The following GEMIN4 variants were observed in gnomAD, a reference collection of about 807,000 sequenced individuals.
GEMIN4 encodes the protein gem nuclear organelle associated protein 4.
In GEMIN4, 59 loss-of-function variants were observed where a neutral mutation model predicts 76.8. The observed-to-expected ratio is 0.77, with a 90% confidence interval of 0.62 to 0.95. The LOEUF (loss-of-function observed/expected upper bound fraction) is 0.95, where lower values mean the gene tolerates loss of function less well. GEMIN4 is among the 40% of genes least tolerant of loss of function. GEMIN4 has a pLI of 0.00. For missense variants in GEMIN4, 1,311 were observed against 1,318.9 expected, an observed-to-expected ratio of 0.99 and a Z score of 0.09; for synonymous variants, 562 against 559.7, an observed-to-expected ratio of 1.00 and a Z score of -0.06.
rs1374475496 is a variant in GEMIN4 at position 752,224 on chromosome 17, T to A, written c.-82A>T. Reference sequence around the variant, plus strand: ...ACGCGGCGCGGGACGCACGGCACGATGGGAGACGCAGGAGCCACGGCGGCC... The same window carrying A: ...ACGCGGCGCGGGACGCACGGCACGAAGGGAGACGCAGGAGCCACGGCGGCC... On this transcript the variant is annotated 5_prime_UTR_variant, in exon 1 of 2. Coordinates refer to ENST00000319004, the MANE Select transcript of GEMIN4 (RefSeq NM_015721.3). 8 of 1,229,070 alleles carry A rather than the reference T, an allele frequency of 6.5e-6. No individual in the cohort carries two copies. Among genetic ancestry groups the A allele is most frequent in the Non-Finnish European group, 8.1e-6 (8 of 985,750 alleles). The allele number at this position is 1,229,070 out of a possible 1,614,324, so 76.1% of individuals were successfully genotyped here.
Position 747,368 on chromosome 17 carries a change from C to T in GEMIN4, c.675G>A (p.Gln225=). 6.2e-7 allele frequency: 1 copy of T among 1,613,798 alleles called. No homozygotes were observed. Among genetic ancestry groups the T allele is most frequent in the Non-Finnish European group, 8.5e-7 (1 of 1,179,888 alleles). Residue 225 remains glutamine (Q), a synonymous_variant, in exon 2 of 2, where the codon CAG becomes CAA. Transcript: ENST00000319004. ...LLAMLLRGLT[Q]IQSRILGPGR... is the part of the protein sequence containing the mutation. ...CCGGGCCCAGGATCCGACTCTGGATCTGTGTCAGCCCGCGGAGCAGCATGG... is the reference window on the plus strand; with the variant it reads ...CCGGGCCCAGGATCCGACTCTGGATTTGTGTCAGCCCGCGGAGCAGCATGG...
At chr17:749,821 A>G (rs1904563154) in intron 1 of GEMIN4, 2 of 996,688 alleles carry the variant, frequency 2.0e-6, no homozygotes, top group South Asian at 8.6e-5. Context: ...TGCCTTGGGA[A>G]CAGGCTTCAA....
In GEMIN4 at chr17:745,677, G is replaced by A; in HGVS notation, c.2366C>T (p.Thr789Ile). 1 of 1,595,798 alleles carries A rather than the reference G, an allele frequency of 6.3e-7. No homozygotes were observed. Among genetic ancestry groups the A allele is most frequent in the African/African-American group, 1.3e-5 (1 of 74,596 alleles). ...TGAAAGCTTACAGATCTCAAAAAGTGTGGCTGGCACTTCACACTTGAAGTG... is the reference window on the plus strand; with the variant it reads ...TGAAAGCTTACAGATCTCAAAAAGTATGGCTGGCACTTCACACTTGAAGTG... ...EGHFKCEVPA[T>I]LFEICKLSED... Residue 789 changes from threonine to isoleucine, a missense_variant, in exon 2 of 2, where the codon ACA becomes ATA. Physicochemically the swap from Thr to Ile is moderately conservative, Grantham distance 89 (BLOSUM62 -1). Coordinates refer to ENST00000319004, the MANE Select transcript of GEMIN4 (RefSeq NM_015721.3). The surrounding 1 kb of genome is among the most constrained non-coding windows in gnomAD (Gnocchi z 4.6).
In GEMIN4 at chr17:747,941, T is replaced by A; in HGVS notation, c.102A>T (p.Leu34Phe). The change falls in exon 2 of 2, where the codon TTA (leucine) becomes TTT (phenylalanine). Residue 34 changes from leucine (L) to phenylalanine (F), a missense_variant. Coordinates refer to ENST00000319004, the MANE Select transcript of GEMIN4 (RefSeq NM_015721.3). ...CAACACGTTCCCAGTCAGACTTTGT[T>A]AATTCTGCCAGTGCCTTAGGGTGGA... The part of the protein sequence containing the change: ...QLFHPKALAE[L>F]TKSDWERVGR... The A allele has an allele frequency of 6.2e-7, 1 of 1,613,690 alleles. No individual in the cohort carries two copies. The highest frequency in any genetic ancestry group is 8.5e-7 in the Non-Finnish European group (1 of 1,179,786).
At position 745,797 on chromosome 17, in the gene GEMIN4, G is replaced by C; in HGVS notation, c.2246C>G (p.Pro749Arg). 4 of 1,612,548 alleles carry C rather than the reference G, an allele frequency of 2.5e-6. No homozygotes were observed. Among genetic ancestry groups the C allele is most frequent in the Middle Eastern group, 1.7e-4 (1 of 6,058 alleles). Reference sequence around the variant, plus strand: ...GGACAGGGACTTGATCCAGACATCCGGGGAGAAGGTCTCAGCATTGGCTGA... The same window carrying C: ...GGACAGGGACTTGATCCAGACATCCCGGGAGAAGGTCTCAGCATTGGCTGA... ...IVSANAETFS[P>R]DVWIKSLSWL... Residue 749 changes from proline (P) to arginine (R), a missense_variant, in exon 2 of 2, where the codon CCG (proline) becomes CGG (arginine). Transcript: ENST00000319004. The surrounding 1 kb of genome is among the most constrained non-coding windows in gnomAD (Gnocchi z 4.6).
At chr17:754,383 T>G (rs1904895805), upstream of GEMIN4, 1 of 152,194 alleles carries the variant, frequency 6.6e-6, no homozygotes, top group African/African-American at 2.4e-5. Flanking sequence ...TGGTACTTCT[T>G]CTTTAATAGA....
Position 745,040 on chromosome 17 carries a change from G to A in GEMIN4, c.3003C>T (p.Leu1001=), listed in dbSNP as rs1185790956. 6.2e-7 allele frequency: 1 copy of A among 1,613,878 alleles called. No individual in the cohort carries two copies. ...TGAGGGTTTCCAAGGCTAAAACGTAGAGTGGCTCACAGACCTCCGGGTGGA... is the reference window on the plus strand; with the variant it reads ...TGAGGGTTTCCAAGGCTAAAACGTAAAGTGGCTCACAGACCTCCGGGTGGA... ...AMLHPEVCEP[L]YVLALETLTC... Residue 1001 remains leucine, a synonymous_variant, in exon 2 of 2, where the codon CTC becomes CTT. Transcript: ENST00000319004. This position sits in a 1 kb window ranked among gnomAD's most constrained non-coding sequence, Gnocchi z 4.6.
Position 745,704 on chromosome 17 carries a change from C to T in GEMIN4, c.2339G>A (p.Gly780Glu), listed in dbSNP as rs1597552288. 1 of 1,600,760 alleles carries T rather than the reference C, an allele frequency of 6.2e-7. No homozygotes were observed. Among genetic ancestry groups the T allele is most frequent in the African/African-American group, 1.3e-5 (1 of 74,574 alleles). ...GGCTGGCACTTCACACTTGAAGTGC[C>T]CCTCGAAGAAGCTCTTCAGCCTCAG... ...VGLRLKSFFE[G>E]HFKCEVPATL... The change falls in exon 2 of 2, where the codon GGG becomes GAG. Residue 780 changes from glycine to glutamate, a missense_variant. By Grantham distance (98) the Gly-to-Glu change is moderately conservative. Transcript: ENST00000319004. The surrounding 1 kb of genome is among the most constrained non-coding windows in gnomAD (Gnocchi z 4.6).
chr17:752,690 G>A, upstream of GEMIN4: 1 of 970,294 alleles, frequency 1.0e-6, no homozygotes, highest in South Asian at 4.8e-5. Context: ...GCTTTTTGAC[G>A]GCTGGTCCTC....
rs1974328822 is a variant in GEMIN4, at chr17:744,899, G to C, written c.3144C>G (p.Arg1048=). The stretch of plus-strand genomic sequence containing the variant: ...TGCTCATCTTCTGCAACAGGGTTTG[G>C]CGCCGTTCTTCAGGGCCGATGCCCT... ...IAEGIGPEER[R]QTLLQKMSSF The change falls in exon 2 of 2, where the codon CGC becomes CGG. Residue 1048 remains arginine, a synonymous_variant. Coordinates refer to ENST00000319004, the MANE Select transcript of GEMIN4 (RefSeq NM_015721.3). The C allele has an allele frequency of 1.2e-6, 2 of 1,612,892 alleles. No individual in the cohort carries two copies. The highest frequency in any genetic ancestry group is 1.7e-6 in the Non-Finnish European group (2 of 1,179,710).
Position 744,955 on chromosome 17 carries a change from G to A in GEMIN4, c.3088C>T (p.His1030Tyr). 6.2e-7 allele frequency: 1 copy of A among 1,613,960 alleles called. No individual in the cohort carries two copies. ...ATGGACTTTAAGAAGCGCTGCTCGT[G>A]TGCCCTCTGGAGCAAGGAGCTGACA... ...PSVSSLLQRA[H>Y]EQRFLKSIAE... Residue 1030 changes from histidine to tyrosine, a missense_variant, in exon 2 of 2, where the codon CAC becomes TAC. Around this residue, in one of 2 missense-constraint regions of GEMIN4, gnomAD observed 1,208 missense variants for 1,166.9 expected, o/e 1.04. Transcript: ENST00000319004.
At chr17:751,647 G>A (rs1904695037) in intron 1 of GEMIN4, 1 of 154,930 alleles carries the variant, frequency 6.5e-6, no homozygotes, top group African/African-American at 2.4e-5. Flanking sequence ...AAGGGACACT[G>A]TACCTCGGCG....
rs770601467 is a variant in GEMIN4, at chr17:746,321, G to C, written c.1722C>G (p.Thr574=). 8 of 1,613,740 alleles carry C rather than the reference G, an allele frequency of 5.0e-6. No individual in the cohort carries two copies. In the South Asian group the frequency reaches 6.6e-5, roughly 13 times the overall value. Residue 574 remains threonine, a synonymous_variant, in exon 2 of 2, where the codon ACC becomes ACG. Transcript: ENST00000319004. The surrounding 1 kb of genome is among the most constrained non-coding windows in gnomAD (Gnocchi z 4.3). ...TGAGAATCTGGGCCAGGAACTTGTG[G>C]GTGCCGAGATTGACCACAGCCAGGC... The part of the protein sequence containing the change: ...MCSLAVVNLG[T]HKFLAQILTA...
Position 745,901 on chromosome 17 carries a change from A to G in GEMIN4, c.2142T>C (p.Leu714=), listed in dbSNP as rs369243436. The G allele has an allele frequency of 6.2e-7, 1 of 1,612,930 alleles. No homozygotes were observed. Among genetic ancestry groups the G allele is most frequent in the African/African-American group, 1.3e-5 (1 of 74,920 alleles). Residue 714 remains leucine (L), a synonymous_variant, in exon 2 of 2, where the codon CTT becomes CTC. Transcript: ENST00000319004. The surrounding 1 kb of genome is among the most constrained non-coding windows in gnomAD (Gnocchi z 4.6). ...AAGAGAGGCACCGCTTCTCCTTGGG[A>G]AGCTGCCAGTATTTGCTGAAGCGGT... is the stretch of plus-strand genomic sequence containing the variant. The part of the protein sequence containing the change: ...LLDRFSKYWQ[L]PKEKRCLSLD...
At chr17:750,391 G>A (rs572317814) in intron 1 of GEMIN4, among the ~76,000 whole-genome samples, 1 of 152,190 alleles carries the variant, frequency 6.6e-6, no homozygotes, top group Admixed American at 6.5e-5. Context: ...AAATGAGATA[G>A]AGCTACAGTA....
chr17:750,045 G>A (rs1904581285), intron 1 of GEMIN4: 1 of 940,318 alleles, frequency 1.1e-6, no homozygotes, highest in Non-Finnish European at 1.3e-6. Context: ...TTAAATCCTA[G>A]TTCAGCCATT....
rs1461565802 is a variant in GEMIN4, at chr17:747,616, G to A, written c.427C>T (p.Arg143Cys). The A allele has an allele frequency of 3.7e-6, 6 of 1,613,952 alleles. No individual in the cohort carries two copies. Among genetic ancestry groups the A allele is most frequent in the East Asian group, 2.2e-5 (1 of 44,874 alleles). ...TCAACGGTCACATGTTCCAGAAAGC[G>A]CTCTAGTTCTGCATGGCAGATGGTG... Reference protein sequence around the residue: ...PTTICHAELERFLEHVTVDTS... With the variant: ...PTTICHAELECFLEHVTVDTS... The change falls in exon 2 of 2, where the codon CGC becomes TGC. Residue 143 changes from arginine (R) to cysteine (C), a missense_variant. By Grantham distance (180) the Arg-to-Cys change is radical. This residue lies in a region of GEMIN4 where 1,208 missense variants were observed against 1,166.9 expected (regional missense o/e 1.04). Coordinates refer to ENST00000319004, the MANE Select transcript of GEMIN4 (RefSeq NM_015721.3).
At position 747,014 on chromosome 17, in the gene GEMIN4, G is replaced by A. The variant is rs758088253; in HGVS notation, c.1029C>T (p.Tyr343=). ...GACTGTCGCACAGCCGGTAGCTGTC[G>A]TAACTTGTCCCCTGGCTGCTGCGGA... ...AVLRSSQGTS[Y]DSYRLCDSLT... Residue 343 remains tyrosine (Y), a synonymous_variant, in exon 2 of 2, where the codon TAC becomes TAT. Transcript: ENST00000319004. 14 of 1,613,122 alleles carry A rather than the reference G, an allele frequency of 8.7e-6. No individual in the cohort carries two copies. The highest frequency in any genetic ancestry group is 6.7e-5 in the Admixed American group (4 of 59,972).
At chr17:748,097 G>A (rs1231579949) in intron 1 of GEMIN4, 65 bp from the exon 2 acceptor site, 2 of 1,259,268 alleles carry the variant, frequency 1.6e-6, no homozygotes, top group Non-Finnish European at 2.2e-6. Context: ...ACTGCTGTTA[G>A]TAGGCTGTCA....
Sources: allele counts gnomAD v4.1 joint callset (sites outside exome capture counted in the v4.1 genomes callset), GRCh38; gene constraint gnomAD v4.1.1; regional missense constraint gnomAD v4.1.1; non-coding constraint Gnocchi (gnomAD v3.1); transcripts MANE v1.5; gene names NCBI Gene and HGNC (gene_info 2026-07-23, HGNC 2026-07-21).